Variants in VMP1 observed in about 807,000 individuals in gnomAD.
VMP1 encodes vacuole membrane protein 1, also known as ectopic P-granules autophagy protein 3 homolog.
Under a neutral mutation model 56.0 loss-of-function variants are expected in VMP1, and 11 were observed. The ratio of observed to expected loss-of-function variants is 0.20; its 90% CI spans 0.12 to 0.32. The LOEUF is 0.32. Among genes scored for constraint, VMP1 ranks in the 10% least tolerant of loss-of-function variants. VMP1 has a pLI of 1.00. For synonymous variants in VMP1, 149 were observed against 165.0 expected, an observed-to-expected ratio of 0.90 and a Z score of 0.74; for missense variants, 296 against 490.3, an observed-to-expected ratio of 0.60 and a Z score of 3.74.
chr17:59,717,757 T>C (rs1294276213), intron 1 of VMP1, among the ~76,000 whole-genome samples: 1 of 152,114 alleles, frequency 6.6e-6, no homozygotes, highest in Non-Finnish European at 1.5e-5. Context: ...TTGTCTCCAC[T>C]AAAAACACAA....
At chr17:59,799,487 C>T (rs2037561134) in intron 7 of VMP1, among the ~76,000 whole-genome samples, 2 of 152,056 alleles carry the variant, frequency 1.3e-5, no homozygotes, top group African/African-American at 4.8e-5. Flanking sequence ...ATTTTGTTAT[C>T]CAACATCTTA....
chr17:59,783,173 G>A (rs2036888028), intron 7 of VMP1, among the ~76,000 whole-genome samples: 1 of 152,154 alleles, frequency 6.6e-6, no homozygotes, highest in African/African-American at 2.4e-5. Flanking sequence ...TCCAGCCTGG[G>A]CGACAGAGCG....
chr17:59,817,632 T>G, intron 9 of VMP1, 80 bp from the exon 10 acceptor site: 1 of 1,042,966 alleles, frequency 9.6e-7, no homozygotes, highest in South Asian at 1.4e-5. Context: ...CTTACCTCTT[T>G]AGACTATTAC....
At chr17:59,777,540 A>G (rs2036662791) in intron 7 of VMP1, among the ~76,000 whole-genome samples, 1 of 151,804 alleles carries the variant, frequency 6.6e-6, no homozygotes, top group Non-Finnish European at 1.5e-5. Flanking sequence ...AGCTTGGCAC[A>G]GTGGCTCACG....
chr17:59,817,794 T>G (rs558898548), intron 10 of VMP1, 21 bp downstream of exon 10: 1 of 1,566,150 alleles, frequency 6.4e-7, no homozygotes, highest in Non-Finnish European at 8.7e-7. Flanking sequence ...CTTCAAGGAC[T>G]AATATTAATA....
intron 6 of VMP1, among the ~76,000 whole-genome samples, chr17:59,767,475 T>C (rs1237571130): frequency 2.0e-5 from 3 of 152,176 alleles, no homozygotes; most frequent in Non-Finnish European, 4.4e-5. Context: ...AGTCTTTTGA[T>C]GAAAAAAATG....
At chr17:59,784,447 G>C (rs753992296) in intron 7 of VMP1, among the ~76,000 whole-genome samples, 2 of 151,614 alleles carry the variant, frequency 1.3e-5, no homozygotes, top group Non-Finnish European at 2.9e-5. Flanking sequence ...CTCTCAAATT[G>C]TCTCTGAATT....
chr17:59,709,362 A>G (rs2033817720), intron 1 of VMP1, among the ~76,000 whole-genome samples: 1 of 152,178 alleles, frequency 6.6e-6, no homozygotes, highest in African/African-American at 2.4e-5. Flanking sequence ...TTTGGTAACT[A>G]TTAAACTTTA....
rs1380290425 is a variant in VMP1, at chr17:59,828,574, G to T, written c.975-9721G>T. On this transcript the variant is annotated intron_variant, in intron 10 of 11. Transcript: ENST00000262291. ...TGAAATTCAAGATGTTTTAATCCCA[G>T]ATCCTGGGGTCAAATCACAACGAAT... 2.6e-5 allele frequency among the ~76,000 whole-genome samples: 4 copies of T among 152,204 alleles called. No homozygotes were observed. The South Asian group carries it at 8.3e-4, about 31-fold the overall frequency.
intron 5 of VMP1, among the ~76,000 whole-genome samples, chr17:59,740,277 G>A (rs2035180394): frequency 1.3e-5 from 2 of 152,048 alleles, no homozygotes. Flanking sequence ...ATTAAATTTT[G>A]TGCCCCATGT....
intron 1 of VMP1, among the ~76,000 whole-genome samples, chr17:59,713,734 A>G (rs2034031220): frequency 6.7e-6 from 1 of 148,894 alleles, no homozygotes; most frequent in Non-Finnish European, 1.5e-5. Flanking sequence ...TTTTTTTAAC[A>G]AAACGGAGAC....
intron 7 of VMP1, 96 bp downstream of exon 7, chr17:59,773,981 G>T: frequency 4.5e-6 from 5 of 1,104,960 alleles, no homozygotes; most frequent in East Asian, 3.3e-5. Context: ...GAAGAAAACT[G>T]CTAAAGTAAA....
chr17:59,728,736 T>C (rs2034703849), intron 1 of VMP1, among the ~76,000 whole-genome samples: 1 of 152,200 alleles, frequency 6.6e-6, no homozygotes, highest in East Asian at 1.9e-4. Context: ...TTCATATGTA[T>C]TCATAACATA....
chr17:59,816,042 A>G (rs1188496456), intron 9 of VMP1, among the ~76,000 whole-genome samples: 1 of 151,540 alleles, frequency 6.6e-6, no homozygotes, highest in African/African-American at 2.4e-5. Flanking sequence ...TGTGCCTTTT[A>G]TTTATTTTGT....
At chr17:59,737,595 A>T in intron 4 of VMP1, 52 bp downstream of exon 4, 1 of 1,486,370 alleles carries the variant, frequency 6.7e-7, no homozygotes, top group Non-Finnish European at 9.2e-7. Context: ...CTAATTCTCT[A>T]ATCTCAGTTT....
At chr17:59,745,977 T>C (rs1003485869) in intron 5 of VMP1, among the ~76,000 whole-genome samples, 1 of 152,248 alleles carries the variant, frequency 6.6e-6, no homozygotes, top group Admixed American at 6.5e-5. Flanking sequence ...TTTTTGAAAT[T>C]TGTGTTTAGA....
intron 10 of VMP1, among the ~76,000 whole-genome samples, chr17:59,818,356 G>C (rs530254732): frequency 6.6e-6 from 1 of 151,626 alleles, no homozygotes; most frequent in African/African-American, 2.4e-5. Context: ...GACAGAGCAA[G>C]ACTCTATCTC....
In VMP1 at chr17:59,793,247, A is replaced by G. The variant is rs934757589; in HGVS notation, c.715-15549A>G. Among the ~76,000 whole-genome samples the G allele has an allele frequency of 9.7e-5, 11 of 113,056 alleles. 3 individuals are homozygous for G. Among genetic ancestry groups the G allele is most frequent in the African/African-American group, 2.9e-4 (11 of 38,164 alleles). The allele number at this position is 113,056 out of a possible 152,430, so 74.2% of individuals were successfully genotyped here. A position where few individuals can be genotyped will look rare whatever the true frequency, so the allele number is the denominator to read the frequency against. On this transcript the variant is annotated intron_variant, in intron 7 of 11. Coordinates refer to ENST00000262291, the MANE Select transcript of VMP1 (RefSeq NM_030938.5). ...TGGCCAGGCTGGTCTTGAACTCCCG[A>G]CCTCAGTTGATCTACCTGCCTCAGC...
At chr17:59,788,265 G>C (rs919432834) in intron 7 of VMP1, among the ~76,000 whole-genome samples, 1 of 151,968 alleles carries the variant, frequency 6.6e-6, no homozygotes, top group African/African-American at 2.4e-5. Flanking sequence ...GAGGGGGACG[G>C]ATCACAAAGT....
Sources: allele counts gnomAD v4.1 joint callset (sites outside exome capture counted in the v4.1 genomes callset), GRCh38; gene constraint gnomAD v4.1.1; transcripts MANE v1.5; gene names NCBI Gene and HGNC (gene_info 2026-07-23, HGNC 2026-07-21).